KLF12: variants seen among roughly 807,000 people sequenced by gnomAD.
KLF12 encodes KLF transcription factor 12.
KLF12 carries 9 observed loss-of-function variants against 37.8 expected under a neutral mutation model. That is an observed-to-expected ratio of 0.24 (90% CI 0.14 to 0.42). The LOEUF is 0.42. Among genes scored for constraint, KLF12 ranks in the 10% least tolerant of loss-of-function variants. The probability of loss-of-function intolerance (pLI) is 1.00; values close to 1 mark genes in which losing one functional copy is unlikely to be tolerated. For synonymous variants in KLF12, 208 were observed against 202.1 expected (o/e 1.03, Z -0.25); for missense variants, 411 against 516.0 (o/e 0.80, Z 1.97).
intron 1 of KLF12, among the ~76,000 whole-genome samples, chr13:74,088,511 A>G (rs1174778799): frequency 6.6e-6 from 1 of 152,166 alleles, no homozygotes; most frequent in Non-Finnish European, 1.5e-5. Context: ...TGCAGGCATA[A>G]GCCACCGTGC....
chr13:74,031,463 TG>T (rs1893110936), intron 1 of KLF12, among the ~76,000 whole-genome samples: 1 of 152,146 alleles, frequency 6.6e-6, no homozygotes, highest in Admixed American at 6.5e-5. Flanking sequence ...ATTATCATCA[TG>T]TCTCTTTTAT....
chr13:73,686,314 T>G lies in KLF12; in HGVS notation c.*9176A>C, dbSNP rs1873500335. 1 of 152,638 alleles carries G rather than the reference T, an allele frequency of 6.6e-6. No individual in the cohort carries two copies. Among genetic ancestry groups the G allele is most frequent in the South Asian group, 2.1e-4 (1 of 4,836 alleles). The allele number at this position is 152,638 out of a possible 1,614,324, so 9.5% of individuals were successfully genotyped here. A position where few individuals can be genotyped will look rare whatever the true frequency, so the allele number is the denominator to read the frequency against. ...AGAATAGACTGGAATAATCATCCTC[T>G]GAGAGAATCTCATTAGGAGGGTCTC... On this transcript the variant is annotated 3_prime_UTR_variant, in exon 8 of 8. Coordinates refer to ENST00000377669, the MANE Select transcript of KLF12 (RefSeq NM_007249.5).
At chr13:74,304,563 A>G in the KLF12 span, among the ~76,000 whole-genome samples, 7 of 152,162 alleles carry the variant, frequency 4.6e-5, no homozygotes, top group East Asian at 1.4e-3. Context: ...AAATTTAAAA[A>G]ATATAAGCTA....
At chr13:73,785,491 T>A (rs756331394) in intron 5 of KLF12, among the ~76,000 whole-genome samples, 2 of 152,194 alleles carry the variant, frequency 1.3e-5, no homozygotes, top group Non-Finnish European at 2.9e-5. Context: ...TCAGCTTTAA[T>A]CTTGCCCAAT....
At chr13:74,037,630 C>T in intron 1 of KLF12, among the ~76,000 whole-genome samples, 1 of 152,160 alleles carries the variant, frequency 6.6e-6, no homozygotes, top group Non-Finnish European at 1.5e-5. Flanking sequence ...CAACTTGATA[C>T]ATTTTCTGGA....
intron 5 of KLF12, among the ~76,000 whole-genome samples, chr13:73,777,669 T>C (rs1460986157): frequency 4.0e-5 from 6 of 149,766 alleles, no homozygotes; most frequent in African/African-American, 1.2e-4. Context: ...GATTGCGCCA[T>C]TGCACTCCAG....
chr13:73,994,942 T>C, intron 2 of KLF12, 48 bp downstream of exon 2: 3 of 1,299,946 alleles, frequency 2.3e-6, no homozygotes, highest in African/African-American at 1.5e-5. Flanking sequence ...AAAGTAATGC[T>C]CAAAGTAGCA....
At chr13:74,127,764 T>C (rs1310787190) in intron 1 of KLF12, among the ~76,000 whole-genome samples, 1 of 152,240 alleles carries the variant, frequency 6.6e-6, no homozygotes, top group African/African-American at 2.4e-5. Flanking sequence ...ACCTTTATTG[T>C]GCATTTTGTA....
chr13:74,070,103 A>T (rs1182083245), intron 1 of KLF12, among the ~76,000 whole-genome samples: 1 of 152,230 alleles, frequency 6.6e-6, no homozygotes, highest in Non-Finnish European at 1.5e-5. Context: ...TAGAGAAACG[A>T]GGAAGACAGA....
chr13:73,768,918 TCCCTC>T (rs67215392), intron 5 of KLF12, among the ~76,000 whole-genome samples: 72,063 of 151,354 alleles, frequency 0.48, 18,052 homozygotes, highest in Middle Eastern at 0.59. Flanking sequence ...TTATATATAT[TCCCTC>T]CACCCAGCCC....
chr13:73,880,081 T>C (rs1886906229), intron 3 of KLF12, among the ~76,000 whole-genome samples: 1 of 152,128 alleles, frequency 6.6e-6, no homozygotes, highest in African/African-American at 2.4e-5. Context: ...CCACTGCTCC[T>C]TTGAGACTCA....
chr13:74,217,372 T>A, the KLF12 span, among the ~76,000 whole-genome samples: 1 of 152,020 alleles, frequency 6.6e-6, no homozygotes, highest in African/African-American at 2.4e-5. Flanking sequence ...ACAACTATTT[T>A]AAAAGTATAA....
chr13:74,256,027 C>T, the KLF12 span, among the ~76,000 whole-genome samples: 20 of 152,008 alleles, frequency 1.3e-4, no homozygotes, highest in East Asian at 1.9e-4. Context: ...TGGTGGCGGG[C>T]GCCTGTAGTC....
intron 5 of KLF12, chr13:73,800,079 TCTACAAAATGAGAGGTTA>T (rs1882205464): frequency 6.6e-6 from 1 of 152,112 alleles, no homozygotes; most frequent in South Asian, 2.1e-4. Flanking sequence ...TTTGTCATTT[TCTACAAAATGAGAGGTTA>T]ATCAATGTTA....
chr13:74,039,706 T>C (rs1327030292), intron 1 of KLF12, among the ~76,000 whole-genome samples: 1 of 152,206 alleles, frequency 6.6e-6, no homozygotes. Context: ...GAAATATCAA[T>C]GTTATATTTC....
chr13:74,061,061 A>G (rs1167484066), intron 1 of KLF12, among the ~76,000 whole-genome samples: 2 of 152,208 alleles, frequency 1.3e-5, no homozygotes, highest in Admixed American at 6.5e-5. Context: ...CAGCTATCGA[A>G]TCAAGGCCTT....
chr13:74,080,105 A>G (rs367766607), intron 1 of KLF12, among the ~76,000 whole-genome samples: 9 of 152,174 alleles, frequency 5.9e-5, no homozygotes, highest in East Asian at 3.8e-4. Context: ...TGCTAAGTGA[A>G]ATAAGCCACT....
At chr13:74,293,192 C>T in the KLF12 span, among the ~76,000 whole-genome samples, 1 of 152,168 alleles carries the variant, frequency 6.6e-6, no homozygotes. Flanking sequence ...TTTTAGTATT[C>T]TTTACCCAAA....
At chr13:73,915,201 C>T (rs76580461) in intron 3 of KLF12, among the ~76,000 whole-genome samples, 2,246 of 152,260 alleles carry the variant, frequency 0.015, 26 homozygotes, top group African/African-American at 0.017. Context: ...TTCCTGCTTC[C>T]CTCTTACAAA....
Sources: allele counts gnomAD v4.1 joint callset (sites outside exome capture counted in the v4.1 genomes callset), GRCh38; gene constraint gnomAD v4.1.1; transcripts MANE v1.5; gene names NCBI Gene and HGNC (gene_info 2026-07-23, HGNC 2026-07-21).